SMARCAL1: variants seen among roughly 807,000 people sequenced by gnomAD.
SMARCAL1 encodes SNF2 related chromatin remodeling annealing helicase 1, also known as ATP-driven annealing helicase.
A neutral mutation model predicts 94.5 loss-of-function variants in SMARCAL1; 58 were observed. The observed-to-expected ratio is 0.61, with a 90% CI of 0.50 to 0.76. The LOEUF (loss-of-function observed/expected upper bound fraction) is 0.76, where lower values mean the gene tolerates loss of function less well. SMARCAL1 is among the 30% of genes least tolerant of loss of function. The pLI, the probability that SMARCAL1 is intolerant of heterozygous loss-of-function variation, is 0.00. For synonymous variants in SMARCAL1, 422 were observed against 455.1 expected (o/e 0.93, Z 0.93); for missense variants, 1,051 against 1,177.9 (o/e 0.89, Z 1.58).
At chr2:216,420,926 G>T (rs1432481218) in intron 5 of SMARCAL1, among the ~76,000 whole-genome samples, 1 of 152,196 alleles carries the variant, frequency 6.6e-6, no homozygotes, top group East Asian at 1.9e-4. Context: ...GAGCCTGCAG[G>T]GAACTGCCTG....
chr2:216,422,382 C>G (rs1218580893), intron 5 of SMARCAL1, among the ~76,000 whole-genome samples: 1 of 152,016 alleles, frequency 6.6e-6, no homozygotes, highest in African/African-American at 2.4e-5. Flanking sequence ...ATAAAAAAGG[C>G]AAATACAGTG....
At chr2:216,455,020 A>G (rs1035494889) in intron 12 of SMARCAL1, among the ~76,000 whole-genome samples, 6 of 152,200 alleles carry the variant, frequency 3.9e-5, no homozygotes, top group African/African-American at 7.2e-5. Flanking sequence ...CGCTTTTCCA[A>G]TGGTCTTAGC....
chr2:216,423,759 T>A, intron 6 of SMARCAL1, 76 bp downstream of exon 6: 7 of 1,343,912 alleles, frequency 5.2e-6, no homozygotes, highest in Non-Finnish European at 7.5e-6. Context: ...TTGATGTATT[T>A]TTGAAGAATC....
chr2:216,459,576 A>C (rs1224573654), intron 12 of SMARCAL1, among the ~76,000 whole-genome samples: 1 of 152,106 alleles, frequency 6.6e-6, no homozygotes, highest in African/African-American at 2.4e-5. Context: ...CAAAAACAAG[A>C]AATGGGGAAA....
chr2:216,431,465 G>A (rs1362433613), intron 7 of SMARCAL1, among the ~76,000 whole-genome samples: 6 of 152,192 alleles, frequency 3.9e-5, no homozygotes, highest in East Asian at 1.9e-4. Context: ...CATGCGACAC[G>A]AGCAAGTCAT....
chr2:216,429,397 G>A (rs1693912064), intron 7 of SMARCAL1, among the ~76,000 whole-genome samples: 1 of 152,176 alleles, frequency 6.6e-6, no homozygotes, highest in African/African-American at 2.4e-5. Flanking sequence ...AAAGTGGGAG[G>A]TGGCAGTTCT....
intron 12 of SMARCAL1, among the ~76,000 whole-genome samples, chr2:216,458,935 C>T (rs960844053): frequency 2.0e-5 from 3 of 152,178 alleles, no homozygotes; most frequent in African/African-American, 7.2e-5. Context: ...TAGAAAGCCC[C>T]ATCGTCTCAG....
At chr2:216,445,610 T>C (rs1694294531) in intron 10 of SMARCAL1, among the ~76,000 whole-genome samples, 1 of 110,906 alleles carries the variant, frequency 9.0e-6, no homozygotes, top group South Asian at 2.7e-4. Flanking sequence ...ACTTTTCATT[T>C]TCCCCTTTTT....
Position 216,475,544 on chromosome 2 carries a change from C to A in SMARCAL1, c.2427+93C>A. 7.6e-7 allele frequency: 1 copy of A among 1,317,268 alleles called. No individual in the cohort carries two copies. The highest frequency in any genetic ancestry group is 1.2e-5 in the South Asian group (1 of 84,352). The allele number at this position is 1,317,268 out of a possible 1,614,324, so 81.6% of individuals were successfully genotyped here. A position where few individuals can be genotyped will look rare whatever the true frequency, so the allele number is the denominator to read the frequency against. On this transcript the variant is annotated intron_variant, in intron 15 of 17. Transcript: ENST00000357276. The surrounding 1 kb of genome is among the most constrained non-coding windows in gnomAD (Gnocchi z 4.4). ...GTCGGTCGGGGAAAGTGTGGTTTCC[C>A]TTTTATCCATTCATTATACTTCCCA...
rs781063218 is a variant in SMARCAL1, at chr2:216,475,673, G to C, written c.2427+222G>C. Among the ~76,000 whole-genome samples the C allele has an allele frequency of 5.3e-5, 8 of 152,076 alleles. No individual in the cohort carries two copies. The South Asian group carries it at 1.7e-3, about 32-fold the overall frequency. ...CTTATCACCCAGGCTGGAGTGCAGT[G>C]GCATGATCTTGGCTCACTGCAACCT... On this transcript the variant is annotated intron_variant, in intron 15 of 17. Transcript: ENST00000357276. The surrounding 1 kb of genome is among the most constrained non-coding windows in gnomAD (Gnocchi z 4.4).
At chr2:216,415,880 GC>G (rs1338383656) in intron 3 of SMARCAL1, 1 of 383,316 alleles carries the variant, frequency 2.6e-6, no homozygotes, top group African/African-American at 2.1e-5. Context: ...TAAGTGACAG[GC>G]CCAGTTTCAT....
In SMARCAL1 at chr2:216,475,373, C is replaced by T; in HGVS notation, c.2349C>T (p.Ser783=). ...LSERHAVAVL[S]ITAANMGLTF... is the part of the protein sequence containing the mutation. ...AGAGGCATGCTGTGGCCGTGCTGTC[C>T]ATCACCGCTGCCAATATGGGCCTCA... The change falls in exon 15 of 18, where the codon TCC becomes TCT. Residue 783 remains serine (S), a synonymous_variant. Transcript: ENST00000357276. This position sits in a 1 kb window ranked among gnomAD's most constrained non-coding sequence, Gnocchi z 4.4. 1 of 1,614,184 alleles carries T rather than the reference C, an allele frequency of 6.2e-7. No individual in the cohort carries two copies.
intron 13 of SMARCAL1, among the ~76,000 whole-genome samples, chr2:216,466,410 T>C (rs1694829888): frequency 6.6e-6 from 1 of 152,216 alleles, no homozygotes; most frequent in Non-Finnish European, 1.5e-5. Flanking sequence ...TTTTTAAAAA[T>C]GCAAACACTG....
At chr2:216,447,542 G>A (rs1204486408) in intron 11 of SMARCAL1, among the ~76,000 whole-genome samples, 1 of 152,092 alleles carries the variant, frequency 6.6e-6, no homozygotes, top group African/African-American at 2.4e-5. Context: ...TAGAGAAGAT[G>A]CTGGCACTGA....
chr2:216,426,320 T>A (rs1005212127), intron 6 of SMARCAL1, among the ~76,000 whole-genome samples: 3 of 152,242 alleles, frequency 2.0e-5, no homozygotes, highest in Non-Finnish European at 4.4e-5. Flanking sequence ...AATGTAGTGT[T>A]GAAAAACCAT....
chr2:216,427,213 A>G (rs1693853669), intron 6 of SMARCAL1: 1 of 152,264 alleles, frequency 6.6e-6, no homozygotes, highest in African/African-American at 2.4e-5. Context: ...CACGTCTGTC[A>G]TCTCCTAGTA....
intron 6 of SMARCAL1, among the ~76,000 whole-genome samples, chr2:216,426,801 T>C (rs1693843076): frequency 6.6e-6 from 1 of 152,220 alleles, no homozygotes. Context: ...ACCTGGGGAA[T>C]GCGCACCTCC....
At chr2:216,431,551 TG>T (rs1337468777) in intron 7 of SMARCAL1, among the ~76,000 whole-genome samples, 5 of 152,242 alleles carry the variant, frequency 3.3e-5, no homozygotes, top group African/African-American at 1.2e-4. Flanking sequence ...TTAGCACTTA[TG>T]ATGTTGCCAA....
At chr2:216,472,289 C>T (rs1694985401) in intron 14 of SMARCAL1, among the ~76,000 whole-genome samples, 2 of 151,960 alleles carry the variant, frequency 1.3e-5, no homozygotes, top group African/African-American at 2.4e-5. Flanking sequence ...TGGGAAGCAG[C>T]GGCTGCAGTG....
Sources: allele counts gnomAD v4.1 joint callset (sites outside exome capture counted in the v4.1 genomes callset), GRCh38; gene constraint gnomAD v4.1.1; non-coding constraint Gnocchi (gnomAD v3.1); transcripts MANE v1.5; gene names NCBI Gene and HGNC (gene_info 2026-07-23, HGNC 2026-07-21).